MRPS28: variants seen among roughly 807,000 people sequenced by gnomAD.
MRPS28 encodes small ribosomal subunit protein bS1m.
A neutral mutation model predicts 10.8 loss-of-function variants in MRPS28; 7 were observed. The observed-to-expected ratio is 0.65, with a 90% CI of 0.37 to 1.22. The LOEUF (loss-of-function observed/expected upper bound fraction) is 1.22. Among genes scored for constraint, MRPS28 ranks in the 50% most tolerant of loss-of-function variants. The pLI, the probability that MRPS28 is intolerant of heterozygous loss-of-function variation, is 0.02. For synonymous variants in MRPS28, 121 were observed against 93.3 expected, an observed-to-expected ratio of 1.30 and a Z score of -1.71; for missense variants, 265 against 232.9, an observed-to-expected ratio of 1.14 and a Z score of -0.90.
intron 2 of MRPS28, among the ~76,000 whole-genome samples, chr8:79,944,701 C>CTTTTTTTTTTTTTTTTTTT (rs57397948): frequency 7.3e-6 from 1 of 137,630 alleles, no homozygotes; most frequent in African/African-American, 2.7e-5. Context: ...TTTCTTTTTT[C>CTTTTTTTTTTTTTTTTTTT]TTTTTTTTTT....
rs144025627 is a variant in MRPS28, at chr8:79,963,479, A to AG, written c.395+39519dup. Among the ~76,000 whole-genome samples the AG allele has an allele frequency of 3.1e-3, 467 of 152,242 alleles. 4 individuals carry two copies. The highest frequency in any genetic ancestry group is 0.01 in the African/African-American group (435 of 41,556). On this transcript the variant is annotated intron_variant, in intron 2 of 2. Coordinates refer to ENST00000276585, the MANE Select transcript of MRPS28 (RefSeq NM_014018.3). ...ACATAGACCACAGTTTAGATTTAAT[A>AG]GGTTAGATGACAATGCAGCAAAATG... is the stretch of plus-strand genomic sequence containing the variant.
intron 1 of MRPS28, among the ~76,000 whole-genome samples, chr8:80,016,413 CA>C (rs201194420): frequency 0.062 from 8,469 of 137,440 alleles, 261 homozygotes; most frequent in East Asian, 0.11. Context: ...TAAGAGGAAA[CA>C]AAAAAAAAAA....
At chr8:79,982,804 T>G (rs377261878) in intron 2 of MRPS28, among the ~76,000 whole-genome samples, 129 of 152,314 alleles carry the variant, frequency 8.5e-4, no homozygotes, top group African/African-American at 2.6e-3. Flanking sequence ...AAGGAGGCCT[T>G]CCTGCCTTTG....
At position 79,979,333 on chromosome 8, in the gene MRPS28, CCTT is replaced by C. The variant is rs150283656; in HGVS notation, c.395+23663_395+23665del. ...GACACAAGAGTTATATTCCCAGTCT[CCTT>C]CTCACCTGAAGCAGCCACAATGAAA... is the stretch of plus-strand genomic sequence containing the variant. On this transcript the variant is annotated intron_variant, in intron 2 of 2. Coordinates refer to ENST00000276585, the MANE Select transcript of MRPS28 (RefSeq NM_014018.3). Among the ~76,000 whole-genome samples, 845 of 152,176 alleles carry C rather than the reference CCTT, an allele frequency of 5.6e-3. 9 individuals are homozygous for C. Among genetic ancestry groups the C allele is most frequent in the African/African-American group, 0.02 (816 of 41,522 alleles).
chr8:80,026,964 G>A (rs1234113435), intron 1 of MRPS28, among the ~76,000 whole-genome samples: 1 of 152,070 alleles, frequency 6.6e-6, no homozygotes, highest in Non-Finnish European at 1.5e-5. Context: ...AAAATTGAGA[G>A]TACAGTACAG....
At chr8:79,995,328 A>T (rs893675615) in intron 2 of MRPS28, among the ~76,000 whole-genome samples, 12 of 152,228 alleles carry the variant, frequency 7.9e-5, no homozygotes, top group Non-Finnish European at 1.5e-4. Context: ...AGTGCATTAC[A>T]AGGCATCCAA....
intron 1 of MRPS28, among the ~76,000 whole-genome samples, chr8:80,025,254 G>A (rs1318306913): frequency 6.6e-6 from 1 of 152,164 alleles, no homozygotes; most frequent in Non-Finnish European, 1.5e-5. Flanking sequence ...AATGAAAGAT[G>A]ATAACCCCAG....
intron 2 of MRPS28, among the ~76,000 whole-genome samples, chr8:79,991,443 C>G (rs999485938): frequency 4.6e-5 from 7 of 152,122 alleles, no homozygotes; most frequent in Non-Finnish European, 8.8e-5. Flanking sequence ...ACTGAAGTAG[C>G]TCAAAGCTGC....
intron 2 of MRPS28, among the ~76,000 whole-genome samples, chr8:79,937,740 C>A (rs1806641346): frequency 6.6e-6 from 1 of 152,142 alleles, no homozygotes; most frequent in Non-Finnish European, 1.5e-5. Flanking sequence ...GTAAGGAAAT[C>A]ACTTTCTGGT....
intron 1 of MRPS28, among the ~76,000 whole-genome samples, chr8:80,024,229 GAAAAAA>G (rs796573322): frequency 3.6e-5 from 5 of 139,304 alleles, no homozygotes; most frequent in Non-Finnish European, 6.3e-5. Context: ...ACCCTGTCTG[GAAAAAA>G]AAAAAAGATT....
chr8:79,955,121 A>G (rs1807172273), intron 2 of MRPS28, among the ~76,000 whole-genome samples: 1 of 152,148 alleles, frequency 6.6e-6, no homozygotes, highest in Non-Finnish European at 1.5e-5. Context: ...GCTTTAAGTT[A>G]TTCTGAGGTC....
chr8:79,998,996 A>C (rs1199590559), intron 2 of MRPS28, among the ~76,000 whole-genome samples: 1 of 152,256 alleles, frequency 6.6e-6, no homozygotes, highest in Non-Finnish European at 1.5e-5. Flanking sequence ...AAACTGTCCT[A>C]AAGTAGCATT....
In MRPS28 at chr8:80,017,729, T is replaced by C. The variant is rs80344288; in HGVS notation, c.213+12307A>G. 3.0e-3 allele frequency among the ~76,000 whole-genome samples: 462 copies of C among 152,284 alleles called. 4 individuals carry two copies. Among genetic ancestry groups the C allele is most frequent in the African/African-American group, 0.01 (430 of 41,572 alleles). On this transcript the variant is annotated intron_variant, in intron 1 of 2. Transcript: ENST00000276585. ...TCTTTCAGAAGATAGGAGTGGAACT[T>C]ATCCTATGAGGACAGTAATATCTTA...
At chr8:79,995,394 A>C (rs1216916391) in intron 2 of MRPS28, among the ~76,000 whole-genome samples, 4 of 152,168 alleles carry the variant, frequency 2.6e-5, no homozygotes, top group African/African-American at 9.7e-5. Flanking sequence ...TAAGAAATTT[A>C]CTCATTTATT....
intron 2 of MRPS28, among the ~76,000 whole-genome samples, chr8:79,947,055 T>C (rs1358923955): frequency 6.6e-6 from 1 of 152,070 alleles, no homozygotes; most frequent in Admixed American, 6.5e-5. Flanking sequence ...TCCAAAATAG[T>C]CAAAGTAATA....
intron 2 of MRPS28, among the ~76,000 whole-genome samples, chr8:79,919,896 C>G (rs537312448): frequency 4.6e-5 from 7 of 151,650 alleles, no homozygotes; most frequent in Admixed American, 6.6e-5. Context: ...GTGCTGCACC[C>G]ATTAACTCGT....
At chr8:80,013,424 C>A (rs1362056504) in intron 1 of MRPS28, among the ~76,000 whole-genome samples, 1 of 151,888 alleles carries the variant, frequency 6.6e-6, no homozygotes, top group Admixed American at 6.5e-5. Flanking sequence ...CACCTGAGGT[C>A]CGGAATTCGA....
At chr8:79,931,964 C>T (rs1806473656) in intron 2 of MRPS28, among the ~76,000 whole-genome samples, 2 of 152,218 alleles carry the variant, frequency 1.3e-5, no homozygotes, top group African/African-American at 4.8e-5. Flanking sequence ...TTTCTGTTGA[C>T]AGCAGGGCCC....
At chr8:79,921,510 C>G (rs1810093796) in intron 2 of MRPS28, among the ~76,000 whole-genome samples, 1 of 150,248 alleles carries the variant, frequency 6.7e-6, no homozygotes, top group African/African-American at 2.4e-5. Context: ...CTTCGCATCC[C>G]TTGTAAGTTG....
Sources: gnomAD v4.1 joint callset for allele counts (sites outside exome capture counted in the v4.1 genomes callset) on GRCh38, gnomAD v4.1.1 for gene constraint, MANE v1.5 for transcripts, NCBI Gene and HGNC (gene_info 2026-07-23, HGNC 2026-07-21) for gene names.